Variants in CACNA1E observed in about 807,000 individuals in gnomAD.
CACNA1E encodes the protein calcium voltage-gated channel subunit alpha1 E.
A neutral mutation model predicts 259.2 loss-of-function variants in CACNA1E; 40 were observed. The ratio of observed to expected loss-of-function variants is 0.15; its 90% CI spans 0.12 to 0.20. The LOEUF is 0.20. CACNA1E is among the 10% of genes least tolerant of loss of function. CACNA1E has a pLI of 1.00. For missense variants in CACNA1E, 1,874 were observed against 3,040.1 expected, an observed-to-expected ratio of 0.62 and a Z score of 9.02; for synonymous variants, 1,104 against 1,138.5, an observed-to-expected ratio of 0.97 and a Z score of 0.61.
intron 7 of CACNA1E, among the ~76,000 whole-genome samples, chr1:181,664,180 T>TTTA (rs1647968894): frequency 6.6e-6 from 1 of 152,142 alleles, no homozygotes; most frequent in Non-Finnish European, 1.5e-5. Context: ...TAAGTGTGAT[T>TTTA]TTAGGACTCC....
At chr1:181,437,560 C>G (rs904300824) in intron 2 of CACNA1E, among the ~76,000 whole-genome samples, 1 of 152,184 alleles carries the variant, frequency 6.6e-6, no homozygotes, top group Non-Finnish European at 1.5e-5. Context: ...TAGTGATGCC[C>G]ACATTCCTGA....
Position 181,357,682 on chromosome 1 carries a change from A to G in CACNA1E, c.-15+39559A>G, listed in dbSNP as rs142099141. On this transcript the variant is annotated intron_variant, in intron 1 of 11. Coordinates refer to the CACNA1E transcript ENST00000524607. ...GCCCTGCCTAAACCATCACTGTTCAATTTAGACAAACTAAAGGGTATTTGG... is the reference window on the plus strand; with the variant it reads ...GCCCTGCCTAAACCATCACTGTTCAGTTTAGACAAACTAAAGGGTATTTGG... 5.1e-3 allele frequency among the ~76,000 whole-genome samples: 774 copies of G among 152,310 alleles called. 5 individuals are homozygous for G. The highest frequency in any genetic ancestry group is 0.017 in the African/African-American group (719 of 41,550).
At chr1:181,478,386 T>C (rs952315420) in intron 2 of CACNA1E, among the ~76,000 whole-genome samples, 2 of 152,208 alleles carry the variant, frequency 1.3e-5, no homozygotes, top group African/African-American at 4.8e-5. Context: ...AAGTAAGGGC[T>C]GTGAGGTATT....
At chr1:181,632,253 C>T (rs571722423) in intron 6 of CACNA1E, among the ~76,000 whole-genome samples, 6 of 152,196 alleles carry the variant, frequency 3.9e-5, no homozygotes, top group South Asian at 2.1e-4. Flanking sequence ...AATGCTTGTG[C>T]CTTTCCTCTT....
chr1:181,342,695 A>C (rs1189980428), intron 1 of CACNA1E, among the ~76,000 whole-genome samples: 1 of 152,146 alleles, frequency 6.6e-6, no homozygotes, highest in South Asian at 2.1e-4. Context: ...TGGGTGATAA[A>C]ATATAAGAAT....
chr1:181,783,904 A>C (rs1660639946), intron 40 of CACNA1E, 120 bp downstream of exon 40: 3 of 621,004 alleles, frequency 4.8e-6, no homozygotes, highest in Non-Finnish European at 8.9e-6. Context: ...TAATGCAGTC[A>C]TCTGAACATC....
At chr1:181,445,992 T>G (rs568897326) in intron 2 of CACNA1E, among the ~76,000 whole-genome samples, 2 of 151,476 alleles carry the variant, frequency 1.3e-5, no homozygotes, top group East Asian at 3.9e-4. Flanking sequence ...TGAATGCATG[T>G]TTTTTTTTCT....
At chr1:181,728,115 T>C (rs1349372948) in intron 18 of CACNA1E, among the ~76,000 whole-genome samples, 1 of 152,178 alleles carries the variant, frequency 6.6e-6, no homozygotes, top group East Asian at 1.9e-4. Context: ...GAGTAATTTC[T>C]ACTCCACCTT....
chr1:181,748,057 A>G lies in CACNA1E; in HGVS notation c.3720-2419A>G, dbSNP rs147546956. ...AGCATATTTTTCTGCAGCTATTCCA[A>G]TTCATAGCTTTTCAATGGCTCCTCT... On this transcript the variant is annotated intron_variant, in intron 25 of 47. Coordinates refer to ENST00000367573, the MANE Select transcript of CACNA1E (RefSeq NM_001205293.3). Among the ~76,000 whole-genome samples the G allele has an allele frequency of 2.2e-3, 333 of 152,360 alleles. 2 individuals carry two copies. Among genetic ancestry groups the G allele is most frequent in the African/African-American group, 7.3e-3 (304 of 41,590 alleles).
chr1:181,343,315 G>T (rs893867739), intron 1 of CACNA1E, among the ~76,000 whole-genome samples: 1 of 152,122 alleles, frequency 6.6e-6, no homozygotes, highest in Non-Finnish European at 1.5e-5. Flanking sequence ...GTGGGCGTAG[G>T]GGGAGATGTT....
chr1:181,510,937 A>G (rs539580086), intron 2 of CACNA1E, among the ~76,000 whole-genome samples: 15 of 152,294 alleles, frequency 9.8e-5, no homozygotes, highest in African/African-American at 3.6e-4. Context: ...GAACTTCCCA[A>G]TGCTTACGTC....
chr1:181,767,298 T>A (rs928490986), intron 35 of CACNA1E, among the ~76,000 whole-genome samples: 1 of 152,172 alleles, frequency 6.6e-6, no homozygotes, highest in East Asian at 1.9e-4. Context: ...CAAAGGATCT[T>A]TCAAAGATGA....
chr1:181,403,617 C>T (rs1657258061), intron 1 of CACNA1E, among the ~76,000 whole-genome samples: 1 of 152,062 alleles, frequency 6.6e-6, no homozygotes, highest in South Asian at 2.1e-4. Flanking sequence ...AAGAAGACTC[C>T]CTCCTGCTGT....
intron 2 of CACNA1E, among the ~76,000 whole-genome samples, chr1:181,448,759 A>C (rs1464882466): frequency 5.9e-5 from 9 of 152,352 alleles, no homozygotes; most frequent in African/African-American, 2.2e-4. Flanking sequence ...AAGTGGAACC[A>C]GGCATCTTAT....
intron 2 of CACNA1E, among the ~76,000 whole-genome samples, chr1:181,428,462 G>A (rs563265285): frequency 7.9e-5 from 12 of 152,168 alleles, no homozygotes; most frequent in Non-Finnish European, 1.5e-4. Context: ...TTCTGGGTGG[G>A]GTGGAGGGGC....
In CACNA1E at chr1:181,732,642, T is replaced by TG; in HGVS notation, c.2562dup (p.Ser855ValfsTer39). ...AGTTCGAGGAGGAGCGCATCAGCCG[T>TG]GGGGGGTCCCTCAAGGGGGATGGAG... On this transcript the variant is annotated frameshift_variant, in exon 20 of 48. Coordinates refer to ENST00000367573, the MANE Select transcript of CACNA1E (RefSeq NM_001205293.3). LOFTEE classifies it high-confidence loss of function. This position sits in a 1 kb window ranked among gnomAD's most constrained non-coding sequence, Gnocchi z 5.5. The TG allele has an allele frequency of 6.7e-7, 1 of 1,502,700 alleles. No individual in the cohort carries two copies. Among genetic ancestry groups the TG allele is most frequent in the Non-Finnish European group, 8.9e-7 (1 of 1,127,718 alleles). 93.1% of individuals were successfully genotyped at this position (1,502,700 alleles called of 1,614,324 possible).
intron 7 of CACNA1E, among the ~76,000 whole-genome samples, chr1:181,658,482 C>T (rs1298070628): frequency 6.6e-6 from 1 of 152,240 alleles, no homozygotes; most frequent in Non-Finnish European, 1.5e-5. Context: ...CTCTCATATA[C>T]AAAACCCTAG....
chr1:181,473,795 G>A (rs556878892), intron 2 of CACNA1E, among the ~76,000 whole-genome samples: 1 of 152,316 alleles, frequency 6.6e-6, no homozygotes, highest in East Asian at 1.9e-4. Context: ...CTAAGATAAT[G>A]GGTTTTGAAG....
chr1:181,741,525 G>C (rs1656575213), intron 25 of CACNA1E, among the ~76,000 whole-genome samples: 2 of 152,170 alleles, frequency 1.3e-5, no homozygotes, highest in Admixed American at 1.3e-4. Flanking sequence ...ATGTGTGCAG[G>C]CTGGCCCAAG....
Sources: allele counts gnomAD v4.1 joint callset (sites outside exome capture counted in the v4.1 genomes callset), GRCh38; gene constraint gnomAD v4.1.1; non-coding constraint Gnocchi (gnomAD v3.1); transcripts MANE v1.5; gene names NCBI Gene and HGNC (gene_info 2026-07-23, HGNC 2026-07-21).